TTC3: variants seen among roughly 807,000 people sequenced by gnomAD.
TTC3 encodes E3 ubiquitin-protein ligase TTC3.
In TTC3, 180 loss-of-function variants were observed where a neutral mutation model predicts 249.6. The ratio of observed to expected loss-of-function variants is 0.72; its 90% CI spans 0.64 to 0.82. The LOEUF is 0.82. TTC3 is among the 40% of genes least tolerant of loss of function. TTC3 has a pLI of 0.00. For missense variants in TTC3, 2,061 were observed against 2,398.4 expected, an observed-to-expected ratio of 0.86 and a Z score of 2.94; for synonymous variants, 717 against 805.0, an observed-to-expected ratio of 0.89 and a Z score of 1.85.
chr21:37,079,832 T>C (rs1601214083), intron 1 of TTC3, among the ~76,000 whole-genome samples: 3 of 152,050 alleles, frequency 2.0e-5, no homozygotes, highest in Non-Finnish European at 4.4e-5. Flanking sequence ...CCGCTCGTGG[T>C]ATGGCATTAA....
intron 45 of TTC3, among the ~76,000 whole-genome samples, chr21:37,201,216 C>T (rs1021404055): frequency 1.3e-5 from 2 of 152,208 alleles, no homozygotes; most frequent in African/African-American, 4.8e-5. Flanking sequence ...AGGTTGGAGG[C>T]CCAGAGCGCT....
chr21:37,082,999 A>T, intron 1 of TTC3: 1 of 985,420 alleles, frequency 1.0e-6, no homozygotes, highest in Non-Finnish European at 1.2e-6. Flanking sequence ...TGGATTGCAC[A>T]ATATATCCTC....
intron 1 of TTC3, chr21:37,087,037 A>G (rs1380880241): frequency 1.8e-6 from 1 of 551,922 alleles, no homozygotes; most frequent in African/African-American, 1.9e-5. Context: ...GAACCTGAGG[A>G]AAGGAAGAAA....
chr21:37,098,138 A>G, intron 10 of TTC3: 1 of 470,034 alleles, frequency 2.1e-6, no homozygotes, highest in Non-Finnish European at 3.8e-6. Context: ...TTCTGACAAG[A>G]AATGAGCTGC....
intron 12 of TTC3, among the ~76,000 whole-genome samples, chr21:37,122,437 T>TTATA (rs1555879562): frequency 2.8e-4 from 8 of 28,524 alleles, no homozygotes; most frequent in East Asian, 6.8e-4. Flanking sequence ...TATATATATA[T>TTATA]TATATATATA....
chr21:37,079,471 T>C (rs2071319751), intron 1 of TTC3, among the ~76,000 whole-genome samples: 1 of 151,590 alleles, frequency 6.6e-6, no homozygotes, highest in Admixed American at 6.6e-5. Context: ...TTTAGTCAGT[T>C]TTGGTAAGTT....
exon 44 of TTC3, chr21:37,197,948 C>A (rs1364818222): frequency 6.2e-7 from 1 of 1,613,958 alleles, no homozygotes; most frequent in African/African-American, 1.3e-5. Flanking sequence ...CAGGTCCTCC[C>A]AGGGCTCACC....
At chr21:37,088,722 T>G (rs1224723954) in intron 4 of TTC3, 77 bp from the exon 5 acceptor site, 16 of 1,311,844 alleles carry the variant, frequency 1.2e-5, no homozygotes, top group Admixed American at 2.2e-5. Flanking sequence ...TGGTTTGAGA[T>G]ATATAGCTAA....
chr21:37,102,320 A>G (rs922045522), intron 10 of TTC3, among the ~76,000 whole-genome samples: 1 of 152,194 alleles, frequency 6.6e-6, no homozygotes, highest in African/African-American at 2.4e-5. Context: ...CCTGAAAATA[A>G]TTATAATTGA....
At chr21:37,087,355 T>C in exon 2 of TTC3, 1 of 1,614,056 alleles carries the variant, frequency 6.2e-7, no homozygotes, top group East Asian at 2.2e-5. Flanking sequence ...GCTGAATTTA[T>C]GAGCAATGAT....
chr21:37,143,640 T>C (rs969112204), intron 20 of TTC3, among the ~76,000 whole-genome samples: 66 of 151,542 alleles, frequency 4.4e-4, no homozygotes, highest in African/African-American at 1.6e-3. Flanking sequence ...TTTACACTGT[T>C]GGTGGGACTG....
At position 37,082,725 on chromosome 21, in the gene TTC3, TA is replaced by T. The variant is rs200727391; in HGVS notation, c.-11-4520del. On this transcript the variant is annotated intron_variant, in intron 1 of 45. Transcript: ENST00000355666. The stretch of plus-strand genomic sequence containing the variant: ...AACATCCAAAAAGTGTTTTTTTTTT[TA>T]ATCTAGGATATACCTTTTTCCTCCC... The T allele has an allele frequency of 9.1e-6, 9 of 985,100 alleles. No homozygotes were observed. In the South Asian group the frequency reaches 1.9e-4, roughly 21 times the overall value. The allele number at this position is 985,100 out of a possible 1,614,324, so 61.0% of individuals were successfully genotyped here.
At chr21:37,149,149 A>G (rs1420036455) in intron 23 of TTC3, among the ~76,000 whole-genome samples, 1 of 152,230 alleles carries the variant, frequency 6.6e-6, no homozygotes, top group African/African-American at 2.4e-5. Flanking sequence ...TCTTATTACC[A>G]AGATAATGAT....
rs201123148 is a variant in TTC3 at position 37,195,959 on chromosome 21, G to A, written c.5502G>A (p.Ala1834=). The stretch of plus-strand genomic sequence containing the variant: ...AGCCTGTTCCTCCAGGACGTGCTGC[G>A]CGTTCAAGCCAGTCTCCAAAAAAGC... Residue 1834 remains alanine, a synonymous_variant, in exon 42 of 46, where the codon GCG becomes GCA. Transcript: ENST00000355666. 1.5e-5 allele frequency: 24 copies of A among 1,614,164 alleles called. 1 individual carries two copies. In the East Asian group the frequency reaches 2.2e-4, roughly 15 times the overall value.
chr21:37,187,260 C>A lies in TTC3; in HGVS notation c.4923+115C>A, dbSNP rs2083403973. 3 of 730,226 alleles carry A rather than the reference C, an allele frequency of 4.1e-6. 1 individual carries two copies. The highest frequency in any genetic ancestry group is 3.9e-5 in the South Asian group (2 of 50,804). The allele number at this position is 730,226 out of a possible 1,614,324, so 45.2% of individuals were successfully genotyped here. On this transcript the variant is annotated intron_variant, in intron 38 of 45. Coordinates refer to ENST00000355666, the Ensembl canonical transcript of TTC3. ...GAAAAGTGTGGTGCATAAAGGATAT[C>A]CTGTAACCCATAATATATCCTCCCT...
At chr21:37,101,589 C>G (rs1219896205) in intron 10 of TTC3, among the ~76,000 whole-genome samples, 2 of 152,150 alleles carry the variant, frequency 1.3e-5, no homozygotes, top group Non-Finnish European at 2.9e-5. Context: ...GACCCATCCT[C>G]TGATTCATCT....
chr21:37,100,287 A>C (rs2074351839), intron 10 of TTC3, among the ~76,000 whole-genome samples: 1 of 152,238 alleles, frequency 6.6e-6, no homozygotes, highest in South Asian at 2.1e-4. Context: ...CTGTACTTTT[A>C]TGTATACTTG....
exon 42 of TTC3, chr21:37,195,892 A>G (rs1383801321): frequency 1.9e-6 from 3 of 1,614,266 alleles, no homozygotes; most frequent in Non-Finnish European, 2.5e-6. Flanking sequence ...CGGGCTGGCC[A>G]GGCAGCTCTG....
chr21:37,165,769 A>G (rs1601920759), exon 33 of TTC3: 1 of 1,613,698 alleles, frequency 6.2e-7, no homozygotes, highest in East Asian at 2.2e-5. Context: ...GGAAGAAGAA[A>G]AACATTAAAA....
Sources: allele counts gnomAD v4.1 joint callset (sites outside exome capture counted in the v4.1 genomes callset), GRCh38; gene constraint gnomAD v4.1.1; transcripts MANE v1.5; gene names NCBI Gene and HGNC (gene_info 2026-07-23, HGNC 2026-07-21).